TSHZ2: variants seen among roughly 807,000 people sequenced by gnomAD.
The protein encoded by TSHZ2 is teashirt zinc finger homeobox 2.
A neutral mutation model predicts 74.4 loss-of-function variants in TSHZ2; 21 were observed. The ratio of observed to expected loss-of-function variants is 0.28; its 90% CI spans 0.20 to 0.41. TSHZ2 has a LOEUF of 0.41. Ranked by LOEUF, TSHZ2 falls within the 10% of genes least tolerant of loss-of-function variation. TSHZ2 has a pLI of 1.00. For missense variants in TSHZ2, 1,244 were observed against 1,293.5 expected, an observed-to-expected ratio of 0.96 and a Z score of 0.59; for synonymous variants, 540 against 515.3, an observed-to-expected ratio of 1.05 and a Z score of -0.65.
rs377415955 is a variant in TSHZ2 at position 53,255,998 on chromosome 20, A to G, written c.2540A>G (p.Asn847Ser). The stretch of plus-strand genomic sequence containing the variant: ...CATAAAAGAAAAGGCCGGCAGTCCA[A>G]CTGGAATCCTCAGCATCTTCTGATT... ...TLHKRKGRQS[N>S]WNPQHLLILQ... The change falls in exon 2 of 3, where the codon AAC (asparagine) becomes AGC (serine). Residue 847 changes from asparagine to serine, a missense_variant. Transcript: ENST00000371497. This position sits in a 1 kb window ranked among gnomAD's most constrained non-coding sequence, Gnocchi z 4.1. 1.7e-5 allele frequency: 27 copies of G among 1,613,740 alleles called. No homozygotes were observed. Among genetic ancestry groups the G allele is most frequent in the Admixed American group, 8.3e-5 (5 of 60,002 alleles).
intron 1 of TSHZ2, among the ~76,000 whole-genome samples, chr20:52,975,487 G>T (rs1459414594): frequency 6.6e-6 from 1 of 151,562 alleles, no homozygotes; most frequent in African/African-American, 2.4e-5. Context: ...GTCTGTTGGT[G>T]CTGGCTAGTT....
At chr20:53,038,831 TC>T (rs1202093492) in intron 1 of TSHZ2, among the ~76,000 whole-genome samples, 33 of 151,570 alleles carry the variant, frequency 2.2e-4, no homozygotes, top group African/African-American at 7.7e-4. Flanking sequence ...ACAAAGTTCT[TC>T]TGGGTCCAAG....
In TSHZ2 at chr20:53,492,555, T is replaced by C. The variant is rs1986477714; in HGVS notation, c.*5420T>C. ...TATACTTTTTGATTTCCTGATGATGTCCTTCTAATCCCTTCTGACTTTGAT... is the reference window on the plus strand; with the variant it reads ...TATACTTTTTGATTTCCTGATGATGCCCTTCTAATCCCTTCTGACTTTGAT... On this transcript the variant is annotated 3_prime_UTR_variant, in exon 3 of 3. Coordinates refer to ENST00000371497, the MANE Select transcript of TSHZ2 (RefSeq NM_173485.6). 1 of 152,214 alleles carries C rather than the reference T, an allele frequency of 6.6e-6. No homozygotes were observed. The highest frequency in any genetic ancestry group is 6.5e-5 in the Admixed American group (1 of 15,282). 9.4% of individuals were successfully genotyped at this position (152,214 alleles called of 1,614,324 possible). A position where few individuals can be genotyped will look rare whatever the true frequency, so the allele number is the denominator to read the frequency against.
intron 1 of TSHZ2, among the ~76,000 whole-genome samples, chr20:53,048,593 C>A (rs960918200): frequency 1.3e-5 from 2 of 152,148 alleles, no homozygotes; most frequent in Non-Finnish European, 2.9e-5. Flanking sequence ...ATTTGCCGGG[C>A]GTGGGCAGCA....
intron 2 of TSHZ2, among the ~76,000 whole-genome samples, chr20:53,340,999 G>A (rs1568876002): frequency 6.6e-6 from 1 of 152,130 alleles, no homozygotes; most frequent in South Asian, 2.1e-4. Context: ...TTTAATTTTT[G>A]TTATTACTGT....
At chr20:53,298,425 AC>A (rs1555847624) in intron 2 of TSHZ2, among the ~76,000 whole-genome samples, 2 of 152,166 alleles carry the variant, frequency 1.3e-5, no homozygotes, top group Non-Finnish European at 2.9e-5. Context: ...GTCATCAAGG[AC>A]CCCACTCTGA....
intron 1 of TSHZ2, among the ~76,000 whole-genome samples, chr20:53,106,216 C>T (rs1351839586): frequency 6.6e-6 from 1 of 151,968 alleles, no homozygotes; most frequent in East Asian, 1.9e-4. Flanking sequence ...ATTTTGTACC[C>T]ATTGACTGAG....
chr20:53,264,721 G>A (rs1990674324), intron 2 of TSHZ2, among the ~76,000 whole-genome samples: 1 of 152,240 alleles, frequency 6.6e-6, no homozygotes. Flanking sequence ...TTATTGTTCC[G>A]TGATATGTGT....
At chr20:53,004,145 C>CA (rs1982550336) in intron 1 of TSHZ2, among the ~76,000 whole-genome samples, 1 of 152,104 alleles carries the variant, frequency 6.6e-6, no homozygotes, top group African/African-American at 2.4e-5. Flanking sequence ...CCACTCCCCC[C>CA]CTCCAATTAA....
chr20:53,315,548 G>A (rs139430348), intron 2 of TSHZ2, among the ~76,000 whole-genome samples: 1 of 152,256 alleles, frequency 6.6e-6, no homozygotes, highest in African/African-American at 2.4e-5. Flanking sequence ...TTAAATAACT[G>A]CGATATTCTA....
chr20:53,173,199 CAAAAT>C (rs1306517631), intron 1 of TSHZ2, among the ~76,000 whole-genome samples: 2 of 152,114 alleles, frequency 1.3e-5, no homozygotes, highest in Admixed American at 6.5e-5. Flanking sequence ...ATAACTTTAA[CAAAAT>C]AAAATAAAGT....
chr20:53,270,334 A>G (rs1197025096), intron 2 of TSHZ2, among the ~76,000 whole-genome samples: 1 of 152,170 alleles, frequency 6.6e-6, no homozygotes, highest in African/African-American at 2.4e-5. Flanking sequence ...CCGAGAGGCC[A>G]AGCTCTGAGT....
At chr20:52,988,196 T>C (rs1346471754) in intron 1 of TSHZ2, among the ~76,000 whole-genome samples, 1 of 152,142 alleles carries the variant, frequency 6.6e-6, no homozygotes, top group Admixed American at 6.5e-5. Context: ...TCTTGACCCA[T>C]ATAACAACGA....
chr20:53,248,828 G>A (rs774643082), intron 1 of TSHZ2, among the ~76,000 whole-genome samples: 1 of 152,104 alleles, frequency 6.6e-6, no homozygotes, highest in Non-Finnish European at 1.5e-5. Context: ...GGATGCTCTG[G>A]TATTATTTCA....
At position 53,165,121 on chromosome 20, in the gene TSHZ2, ATGGG is replaced by A. The variant is rs1446139057; in HGVS notation, c.41-88374_41-88371del. Reference sequence around the variant, plus strand: ...GATGGATGGATGGATGGATGGATGGATGGGTGGATGGATGGATGAGGATGGATAA... The same window carrying A: ...GATGGATGGATGGATGGATGGATGGATGGATGGATGGATGAGGATGGATAA... On this transcript the variant is annotated intron_variant, in intron 1 of 2. Transcript: ENST00000371497. 3.7e-3 allele frequency among the ~76,000 whole-genome samples: 567 copies of A among 152,134 alleles called. 3 individuals are homozygous for A. Among genetic ancestry groups the A allele is most frequent in the African/African-American group, 0.012 (516 of 41,510 alleles).
intron 2 of TSHZ2, chr20:53,400,103 C>A (rs1490809785): frequency 6.6e-6 from 1 of 152,610 alleles, no homozygotes; most frequent in Admixed American, 6.5e-5. Flanking sequence ...GAGTGCTGAG[C>A]ACAGGCTGGC....
intron 1 of TSHZ2, among the ~76,000 whole-genome samples, chr20:53,207,801 C>T (rs1232182441): frequency 6.6e-6 from 1 of 151,586 alleles, no homozygotes; most frequent in East Asian, 1.9e-4. Context: ...CCTAACTTCC[C>T]TAGTATAATA....
At position 53,479,855 on chromosome 20, in the gene TSHZ2, G is replaced by A. The variant is rs990210238; in HGVS notation, c.*9-7289G>A. Among the ~76,000 whole-genome samples, 7 of 152,116 alleles carry A rather than the reference G, an allele frequency of 4.6e-5. No individual in the cohort carries two copies. The East Asian group carries it at 1.2e-3, about 25-fold the overall frequency. On this transcript the variant is annotated intron_variant, in intron 2 of 2. Transcript: ENST00000371497. ...GGCTGAATATCTACAATGCATAGAC[G>A]GGCGGCCCCCACCAAAAGGAAGTAT... is the stretch of plus-strand genomic sequence containing the variant.
At chr20:53,093,474 G>A (rs1467415947) in intron 1 of TSHZ2, among the ~76,000 whole-genome samples, 1 of 152,172 alleles carries the variant, frequency 6.6e-6, no homozygotes, top group Non-Finnish European at 1.5e-5. Context: ...CAACATGGTG[G>A]TGCTGCTCTC....
Sources: allele counts gnomAD v4.1 joint callset (sites outside exome capture counted in the v4.1 genomes callset), GRCh38; gene constraint gnomAD v4.1.1; non-coding constraint Gnocchi (gnomAD v3.1); transcripts MANE v1.5; gene names NCBI Gene and HGNC (gene_info 2026-07-23, HGNC 2026-07-21).